CELF4: variants seen among roughly 807,000 people sequenced by gnomAD.
CELF4 encodes the protein CUGBP Elav-like family member 4, also known as CUG-BP- and ETR-3-like factor 4.
CELF4 carries 18 observed loss-of-function variants against 59.9 expected under a neutral mutation model. That is an observed-to-expected ratio of 0.30 (90% CI 0.21 to 0.45). The LOEUF is 0.45. Ranked by LOEUF, CELF4 falls within the 20% of genes least tolerant of loss-of-function variation. CELF4 has a pLI of 1.00. For missense variants in CELF4, 456 were observed against 689.0 expected (o/e 0.66, Z 3.79); for synonymous variants, 261 against 267.1 (o/e 0.98, Z 0.22).
At chr18:37,498,430 CTCCCT>C (rs2099927675) in intron 1 of CELF4, among the ~76,000 whole-genome samples, 2 of 146,724 alleles carry the variant, frequency 1.4e-5, no homozygotes, top group Non-Finnish European at 3.0e-5. Flanking sequence ...CTCCCCTCCC[CTCCCT>C]TCCCCTTTCT....
intron 2 of CELF4, among the ~76,000 whole-genome samples, chr18:37,408,575 A>C (rs1263227566): frequency 6.6e-6 from 1 of 150,432 alleles, no homozygotes; most frequent in East Asian, 2.0e-4. Flanking sequence ...AGGCCTCATC[A>C]CACTTCACTT....
intron 12 of CELF4, among the ~76,000 whole-genome samples, chr18:37,248,822 C>T (rs2063652155): frequency 6.6e-6 from 1 of 152,210 alleles, no homozygotes; most frequent in Non-Finnish European, 1.5e-5. Flanking sequence ...TGAGCTTGCA[C>T]TGGATTCCCT....
intron 1 of CELF4, among the ~76,000 whole-genome samples, chr18:37,496,846 C>T (rs548932178): frequency 2.3e-4 from 35 of 152,196 alleles, no homozygotes; most frequent in Non-Finnish European, 4.1e-4. Flanking sequence ...CTGAGGGCTG[C>T]GGCGAAGAAG....
intron 5 of CELF4, 39 bp downstream of exon 5, chr18:37,274,766 C>T: frequency 6.5e-7 from 1 of 1,536,368 alleles, no homozygotes; most frequent in Non-Finnish European, 8.7e-7. Context: ...TCTCGGCCCG[C>T]CGCTGCCCTC....
intron 3 of CELF4, among the ~76,000 whole-genome samples, chr18:37,298,527 C>T (rs751293901): frequency 2.0e-5 from 3 of 152,060 alleles, no homozygotes; most frequent in Non-Finnish European, 4.4e-5. Context: ...TGAGACCAGC[C>T]TGGGCAACAT....
At chr18:37,551,975 A>G (rs1173818320) in intron 1 of CELF4, among the ~76,000 whole-genome samples, 3 of 152,212 alleles carry the variant, frequency 2.0e-5, no homozygotes, top group Non-Finnish European at 4.4e-5. Flanking sequence ...ACACAATGGA[A>G]AGAAACAAAA....
At chr18:37,441,958 C>G (rs1791486) in intron 2 of CELF4, among the ~76,000 whole-genome samples, 18,330 of 128,284 alleles carry the variant, frequency 0.14, 1,151 homozygotes, top group Middle Eastern at 0.19. Flanking sequence ...TGACACCGTG[C>G]GTCACCCAAA....
chr18:37,528,919 G>A (rs1019630916), intron 1 of CELF4: 3 of 152,092 alleles, frequency 2.0e-5, no homozygotes, highest in Admixed American at 2.0e-4. Flanking sequence ...TAACTTGGAG[G>A]CTAATTGTCA....
chr18:37,523,742 A>G (rs1177554341), intron 1 of CELF4, among the ~76,000 whole-genome samples: 1 of 152,156 alleles, frequency 6.6e-6, no homozygotes, highest in Non-Finnish European at 1.5e-5. Flanking sequence ...ACAAATTCTC[A>G]TGCCACCAGT....
intron 2 of CELF4, among the ~76,000 whole-genome samples, chr18:37,465,617 G>A (rs527437379): frequency 6.6e-6 from 1 of 152,324 alleles, no homozygotes; most frequent in East Asian, 1.9e-4. Flanking sequence ...GCCCAGAGCT[G>A]GGATGGCTCT....
chr18:37,272,289 T>A (rs1355812949), intron 7 of CELF4, among the ~76,000 whole-genome samples: 1 of 152,012 alleles, frequency 6.6e-6, no homozygotes, highest in Non-Finnish European at 1.5e-5. Context: ...TACAGCAATA[T>A]CCCTGGCCTC....
At chr18:37,275,351 G>C in intron 3 of CELF4, 108 bp from the exon 4 acceptor site, 1 of 1,330,810 alleles carries the variant, frequency 7.5e-7, no homozygotes, top group Non-Finnish European at 1.0e-6. Flanking sequence ...CCGGGGAGGC[G>C]GGGCGGGGGC....
intron 1 of CELF4, among the ~76,000 whole-genome samples, chr18:37,557,696 C>T (rs1389593186): frequency 1.3e-5 from 2 of 152,180 alleles, no homozygotes; most frequent in Non-Finnish European, 2.9e-5. Flanking sequence ...GTCAATTAAG[C>T]TCTTGTAGGA....
chr18:37,432,669 T>G (rs769582176), intron 2 of CELF4, among the ~76,000 whole-genome samples: 4 of 152,190 alleles, frequency 2.6e-5, no homozygotes, highest in Non-Finnish European at 4.4e-5. Context: ...TGTGACCATC[T>G]CATAGCTGAG....
chr18:37,541,464 C>T (rs1222632624), intron 1 of CELF4, among the ~76,000 whole-genome samples: 2 of 152,150 alleles, frequency 1.3e-5, no homozygotes, highest in African/African-American at 2.4e-5. Context: ...AATCCATGCC[C>T]CACCATTGCT....
chr18:37,488,519 A>G (rs2099887186), intron 1 of CELF4, among the ~76,000 whole-genome samples: 1 of 152,188 alleles, frequency 6.6e-6, no homozygotes, highest in African/African-American at 2.4e-5. Flanking sequence ...GCACTGAGGC[A>G]CACTGGACTT....
chr18:37,323,134 G>A (rs2097182392), intron 2 of CELF4, among the ~76,000 whole-genome samples: 1 of 152,126 alleles, frequency 6.6e-6, no homozygotes, highest in Non-Finnish European at 1.5e-5. Flanking sequence ...ATGGGTGCCT[G>A]TGACTCAGCA....
At position 37,296,496 on chromosome 18, in the gene CELF4, G is replaced by A. The variant is rs540802583; in HGVS notation, c.449-21253C>T. ...CAGGTGTGAGCCACTGCGCCTGGCC[G>A]GTTTGTTTTTAATGTGTTGGGTGAC... On this transcript the variant is annotated intron_variant, in intron 3 of 12. Transcript: ENST00000420428. Among the ~76,000 whole-genome samples, 17 of 152,262 alleles carry A rather than the reference G, an allele frequency of 1.1e-4. No homozygotes were observed. In the East Asian group the frequency reaches 2.5e-3, roughly 23 times the overall value.
intron 1 of CELF4, among the ~76,000 whole-genome samples, chr18:37,488,686 T>A (rs1346299532): frequency 1.3e-5 from 2 of 152,160 alleles, no homozygotes; most frequent in African/African-American, 4.8e-5. Context: ...CAGAAAAGAC[T>A]GATAAACAAC....
Sources: gnomAD v4.1 joint callset for allele counts (sites outside exome capture counted in the v4.1 genomes callset) on GRCh38, gnomAD v4.1.1 for gene constraint, MANE v1.5 for transcripts, NCBI Gene and HGNC (gene_info 2026-07-23, HGNC 2026-07-21) for gene names.